The following CTNNA3 variants were observed in gnomAD, a reference collection of about 807,000 sequenced individuals.
CTNNA3 encodes catenin alpha 3, also known as catenin alpha-3.
CTNNA3 carries 76 observed loss-of-function variants against 95.7 expected under a neutral mutation model. The observed-to-expected ratio is 0.79, with a 90% confidence interval of 0.66 to 0.96. The LOEUF is 0.96. Among genes scored for constraint, CTNNA3 ranks in the 40% least tolerant of loss-of-function variants. CTNNA3 has a pLI of 0.00. For missense variants in CTNNA3, 1,191 were observed against 1,089.8 expected (o/e 1.09, Z -1.31); for synonymous variants, 431 against 374.4 (o/e 1.15, Z -1.74).
At position 66,927,984 on chromosome 10, in the gene CTNNA3, G is replaced by A; in HGVS notation, c.1048-152460C>T. 1 of 1,614,202 alleles carries A rather than the reference G, an allele frequency of 6.2e-7. No homozygotes were observed. Among genetic ancestry groups the A allele is most frequent in the East Asian group, 2.2e-5 (1 of 44,874 alleles). ...GAGTAAATGTGATCGATGCAGTGAA[G>A]AACTACAGCATCTGTGGCAAAAGTA... On this transcript the variant is annotated intron_variant, in intron 7 of 17. Coordinates refer to ENST00000433211, the MANE Select transcript of CTNNA3 (RefSeq NM_013266.4). The surrounding 1 kb of genome is among the most constrained non-coding windows in gnomAD (Gnocchi z 4.7).
At chr10:67,105,230 T>C (rs1425544442) in intron 7 of CTNNA3, among the ~76,000 whole-genome samples, 1 of 150,612 alleles carries the variant, frequency 6.6e-6, no homozygotes, top group Non-Finnish European at 1.5e-5. Flanking sequence ...GCAATACATA[T>C]TAAATGATAG....
chr10:67,716,047 A>C (rs1841140919), intron 1 of CTNNA3, among the ~76,000 whole-genome samples: 1 of 152,304 alleles, frequency 6.6e-6, no homozygotes, highest in East Asian at 1.9e-4. Flanking sequence ...CTGGATATGA[A>C]CGATCCTTGT....
At chr10:67,432,327 T>C (rs1846134042) in intron 5 of CTNNA3, among the ~76,000 whole-genome samples, 1 of 152,066 alleles carries the variant, frequency 6.6e-6, no homozygotes, top group South Asian at 2.1e-4. Flanking sequence ...TTAGTACCTA[T>C]GTTTCTATTA....
At chr10:67,391,828 G>A (rs957779246) in intron 5 of CTNNA3, among the ~76,000 whole-genome samples, 1 of 151,332 alleles carries the variant, frequency 6.6e-6, no homozygotes, top group African/African-American at 2.4e-5. Flanking sequence ...TTAATAAATG[G>A]TGCTGGGAAA....
chr10:67,299,944 A>G (rs936203595), intron 5 of CTNNA3, among the ~76,000 whole-genome samples: 2 of 152,200 alleles, frequency 1.3e-5, no homozygotes, highest in Non-Finnish European at 2.9e-5. Flanking sequence ...CTGCACATGT[A>G]TTTCATTCTT....
At chr10:65,988,603 G>A (rs2078475291) in intron 16 of CTNNA3, 89 bp downstream of exon 16, 5 of 998,972 alleles carry the variant, frequency 5.0e-6, no homozygotes, top group Non-Finnish European at 7.6e-6. Context: ...GTTGAAGAGA[G>A]TAAAAATTTA....
chr10:67,100,480 A>T (rs1457849087), intron 7 of CTNNA3, among the ~76,000 whole-genome samples: 1 of 151,728 alleles, frequency 6.6e-6, no homozygotes, highest in Non-Finnish European at 1.5e-5. Flanking sequence ...TTTATCACAT[A>T]TTTCCAATTT....
chr10:66,899,709 G>T (rs538028150), intron 7 of CTNNA3, among the ~76,000 whole-genome samples: 1 of 152,260 alleles, frequency 6.6e-6, no homozygotes, highest in South Asian at 2.1e-4. Context: ...TCCCATGTCT[G>T]GCTCAGCAGG....
At chr10:67,690,030 C>T (rs564715036) in intron 1 of CTNNA3, among the ~76,000 whole-genome samples, 8 of 152,124 alleles carry the variant, frequency 5.3e-5, no homozygotes, top group African/African-American at 9.7e-5. Context: ...AGAATGAAGC[C>T]GCAGACCCCA....
intron 2 of CTNNA3, among the ~76,000 whole-genome samples, chr10:67,620,940 TATATATATATAC>T (rs973631445): frequency 6.1e-5 from 9 of 146,568 alleles, no homozygotes; most frequent in African/African-American, 1.3e-4. Flanking sequence ...TATATATATA[TATATATATATAC>T]AGAAATGTGG....
intron 3 of CTNNA3, among the ~76,000 whole-genome samples, chr10:67,563,982 G>C (rs1841647757): frequency 6.7e-6 from 1 of 148,908 alleles, no homozygotes; most frequent in Admixed American, 6.7e-5. Context: ...TCATTAAAAA[G>C]TCAGGAAACA....
At chr10:66,714,834 G>A (rs544653313) in intron 9 of CTNNA3, among the ~76,000 whole-genome samples, 1 of 152,228 alleles carries the variant, frequency 6.6e-6, no homozygotes, top group South Asian at 2.1e-4. Flanking sequence ...AACCAATCAT[G>A]TCATTTGCTT....
chr10:66,001,972 T>C (rs906417740), intron 15 of CTNNA3, among the ~76,000 whole-genome samples: 1 of 152,092 alleles, frequency 6.6e-6, no homozygotes, highest in African/African-American at 2.4e-5. Flanking sequence ...TCGTTTAAAG[T>C]TGTTATTTAA....
rs1185675807 is a variant in CTNNA3, at chr10:66,723,385, GA to G, written c.1281+42878del. Among the ~76,000 whole-genome samples the G allele has an allele frequency of 4.9e-3, 743 of 152,150 alleles. 1 individual carries two copies. Among genetic ancestry groups the G allele is most frequent in the African/African-American group, 0.017 (707 of 41,506 alleles). ...TAAATCCTACAATCCTCTACGAATGGAAGCAATAGCACTACAGTTAACACTC... is the reference window on the plus strand; with the variant it reads ...TAAATCCTACAATCCTCTACGAATGGAGCAATAGCACTACAGTTAACACTC... On this transcript the variant is annotated intron_variant, in intron 9 of 17. Transcript: ENST00000433211.
intron 13 of CTNNA3, among the ~76,000 whole-genome samples, chr10:66,152,417 T>C (rs910898008): frequency 1.4e-4 from 21 of 151,822 alleles, no homozygotes; most frequent in Admixed American, 3.3e-4. Flanking sequence ...CAGATATACA[T>C]AATGGGACAA....
intron 13 of CTNNA3, among the ~76,000 whole-genome samples, chr10:66,252,198 C>A (rs546112325): frequency 5.0e-4 from 76 of 152,276 alleles, no homozygotes; most frequent in African/African-American, 1.7e-3. Context: ...GTATCAGATA[C>A]AGCCTTTTAG....
At chr10:67,091,091 T>C (rs968359389) in intron 7 of CTNNA3, among the ~76,000 whole-genome samples, 1 of 151,920 alleles carries the variant, frequency 6.6e-6, no homozygotes, top group Non-Finnish European at 1.5e-5. Context: ...TAAGTAAAAC[T>C]ACCAGCCTGT....
chr10:67,103,684 A>G (rs897596412), intron 7 of CTNNA3, among the ~76,000 whole-genome samples: 1 of 151,752 alleles, frequency 6.6e-6, no homozygotes, highest in Non-Finnish European at 1.5e-5. Context: ...TACCCCCATC[A>G]TAGCACATTT....
intron 8 of CTNNA3, among the ~76,000 whole-genome samples, chr10:66,773,282 T>C (rs1346999305): frequency 6.6e-6 from 1 of 152,184 alleles, no homozygotes; most frequent in Non-Finnish European, 1.5e-5. Flanking sequence ...CTACTCCTAT[T>C]GAACTGGGAC....
Sources: gnomAD v4.1 joint callset for allele counts (sites outside exome capture counted in the v4.1 genomes callset) on GRCh38, gnomAD v4.1.1 for gene constraint, Gnocchi (gnomAD v3.1) non-coding constraint, MANE v1.5 for transcripts, NCBI Gene and HGNC (gene_info 2026-07-23, HGNC 2026-07-21) for gene names.